ADCK1: variants seen among roughly 807,000 people sequenced by gnomAD.
The protein encoded by ADCK1 is aarF domain containing kinase 1, also known as aarF domain-containing protein kinase 1.
Under a neutral mutation model 52.3 loss-of-function variants are expected in ADCK1, and 41 were observed. The ratio of observed to expected loss-of-function variants is 0.78; its 90% CI spans 0.61 to 1.02. The LOEUF (loss-of-function observed/expected upper bound fraction) is 1.02. ADCK1 is among the 50% of genes least tolerant of loss of function. The pLI is 0.00. For missense variants in ADCK1, 658 were observed against 679.5 expected, an observed-to-expected ratio of 0.97 and a Z score of 0.35; for synonymous variants, 250 against 274.6, an observed-to-expected ratio of 0.91 and a Z score of 0.89.
At position 77,819,051 on chromosome 14, in the gene ADCK1, A is replaced by C. The variant is rs753899637; in HGVS notation, c.73A>C (p.Ser25Arg). 1 of 1,614,200 alleles carries C rather than the reference A, an allele frequency of 6.2e-7. No individual in the cohort carries two copies. The highest frequency in any genetic ancestry group is 1.1e-5 in the South Asian group (1 of 91,076). Reference protein sequence around the residue: ...ALAASGIYFYSNKYLDPNDFG... With the variant: ...ALAASGIYFYRNKYLDPNDFG... ...TGCTGCCTCTGGCATCTACTTCTAC[A>C]GTAACAAGTACTTGGACCCTAATGA... is the stretch of plus-strand genomic sequence containing the variant. The change falls in exon 2 of 11, where the codon AGT becomes CGT. Residue 25 changes from serine to arginine, a missense_variant. Transcript: ENST00000238561.
intron 9 of ADCK1, among the ~76,000 whole-genome samples, chr14:77,931,013 C>G (rs531981514): frequency 6.6e-6 from 1 of 152,292 alleles, no homozygotes; most frequent in Non-Finnish European, 1.5e-5. Flanking sequence ...CCTTGGGCCA[C>G]AGGTGGGATG....
At chr14:77,814,695 CAAA>C (rs995163952) in intron 1 of ADCK1, among the ~76,000 whole-genome samples, 83 of 35,910 alleles carry the variant, frequency 2.3e-3, no homozygotes, top group African/African-American at 7.7e-3. Context: ...AAGACACTCT[CAAA>C]AAAAAAAAAA....
chr14:77,838,092 C>T (rs1795596457), intron 3 of ADCK1, among the ~76,000 whole-genome samples: 1 of 152,224 alleles, frequency 6.6e-6, no homozygotes. Flanking sequence ...CCACTTCTCA[C>T]TGTCTTGGCC....
intron 4 of ADCK1, among the ~76,000 whole-genome samples, chr14:77,882,343 G>GGTTC (rs528528115): frequency 6.6e-6 from 1 of 152,222 alleles, no homozygotes; most frequent in Non-Finnish European, 1.5e-5. Flanking sequence ...TCTGCCCCAG[G>GGTTC]TGCCCTAAGT....
chr14:77,861,552 G>T (rs10141302), intron 4 of ADCK1, among the ~76,000 whole-genome samples: 1 of 151,846 alleles, frequency 6.6e-6, no homozygotes, highest in Admixed American at 6.6e-5. Context: ...CCAGCCCTAA[G>T]ACCTTCTGCA....
At chr14:77,846,447 G>A (rs1235103972) in intron 3 of ADCK1, among the ~76,000 whole-genome samples, 7 of 152,156 alleles carry the variant, frequency 4.6e-5, no homozygotes, top group Admixed American at 4.6e-4. Flanking sequence ...GACTGTCCTG[G>A]AAGCCAGGCC....
chr14:77,887,047 C>T (rs760146820), intron 4 of ADCK1, 44 bp from the exon 5 acceptor site: 1 of 1,503,192 alleles, frequency 6.7e-7, no homozygotes, highest in Non-Finnish European at 8.9e-7. Context: ...TCTCACTGAA[C>T]TGGGTCATCT....
At chr14:77,863,049 G>A (rs1361786066) in intron 4 of ADCK1, among the ~76,000 whole-genome samples, 1 of 152,240 alleles carries the variant, frequency 6.6e-6, no homozygotes, top group East Asian at 1.9e-4. Context: ...GCATGGAGGT[G>A]AACAGTGAGG....
intron 9 of ADCK1, among the ~76,000 whole-genome samples, 195 bp downstream of exon 9, chr14:77,926,156 AG>A (rs776895719): frequency 2.0e-5 from 3 of 152,140 alleles, no homozygotes; most frequent in African/African-American, 7.2e-5. Context: ...AAGGAGGGAA[AG>A]GGGGTGATAC....
rs72692359 is a variant in ADCK1 at position 77,923,540 on chromosome 14, A to G, written c.859-917A>G. ...TGGGCCCCAGCTCCTCTCCCCTCTG[A>G]CCAGGTTAGGTTTGTTAATGACCAT... On this transcript the variant is annotated intron_variant, in intron 7 of 10. Transcript: ENST00000238561. This position sits in a 1 kb window ranked among gnomAD's most constrained non-coding sequence, Gnocchi z 4.3. 0.1 allele frequency: 15,434 copies of G among 152,156 alleles called. 1,120 individuals are homozygous for G. The highest frequency in any genetic ancestry group is 0.41 in the East Asian group (2,106 of 5,128). The allele number at this position is 152,156 out of a possible 1,614,324, so 9.4% of individuals were successfully genotyped here.
intron 3 of ADCK1, among the ~76,000 whole-genome samples, chr14:77,837,527 ATT>A (rs2081986522): frequency 6.6e-6 from 1 of 152,176 alleles, no homozygotes; most frequent in Non-Finnish European, 1.5e-5. Flanking sequence ...ACATGGACAT[ATT>A]GTTTTGGGGG....
chr14:77,850,648 C>CTTTT (rs58373247), intron 3 of ADCK1, among the ~76,000 whole-genome samples: 3 of 107,980 alleles, frequency 2.8e-5, no homozygotes, highest in African/African-American at 7.5e-5. Context: ...CATGATATAT[C>CTTTT]TTTTTTTTTT....
At chr14:77,872,677 C>CTTT (rs35569874) in intron 4 of ADCK1, among the ~76,000 whole-genome samples, 3 of 140,906 alleles carry the variant, frequency 2.1e-5, no homozygotes, top group Admixed American at 7.0e-5. Context: ...TTCCCCACTC[C>CTTT]TTTTTTTTTT....
chr14:77,874,917 T>C (rs1422784542), intron 4 of ADCK1, among the ~76,000 whole-genome samples: 2 of 151,984 alleles, frequency 1.3e-5, no homozygotes, highest in Admixed American at 1.3e-4. Flanking sequence ...AAGGGACAGG[T>C]GGATGGGACA....
intron 4 of ADCK1, among the ~76,000 whole-genome samples, chr14:77,880,600 G>A: frequency 6.6e-6 from 1 of 152,206 alleles, no homozygotes; most frequent in South Asian, 2.1e-4. Context: ...GTGGGACAGA[G>A]GTCCAGACAA....
chr14:77,875,469 G>C (rs1053543274), intron 4 of ADCK1, among the ~76,000 whole-genome samples: 1 of 147,546 alleles, frequency 6.8e-6, no homozygotes, highest in Admixed American at 6.9e-5. Context: ...AACAGCCTAC[G>C]GTCCCTGGTT....
chr14:77,885,873 G>A (rs1418428038), intron 4 of ADCK1, among the ~76,000 whole-genome samples: 1 of 152,206 alleles, frequency 6.6e-6, no homozygotes, highest in Non-Finnish European at 1.5e-5. Flanking sequence ...ACCTTTAGGG[G>A]CCTCTTTCCT....
chr14:77,894,106 C>A (rs2083344270), intron 5 of ADCK1, among the ~76,000 whole-genome samples: 1 of 152,166 alleles, frequency 6.6e-6, no homozygotes, highest in Admixed American at 6.5e-5. Context: ...GCACAGAATC[C>A]AACAGCGATT....
At chr14:77,905,569 G>A (rs1052817033) in intron 6 of ADCK1, among the ~76,000 whole-genome samples, 2 of 151,994 alleles carry the variant, frequency 1.3e-5, no homozygotes, top group Non-Finnish European at 2.9e-5. Flanking sequence ...AGAGCCTTAG[G>A]GGCCCACTGT....
Sources: allele counts gnomAD v4.1 joint callset (sites outside exome capture counted in the v4.1 genomes callset), GRCh38; gene constraint gnomAD v4.1.1; non-coding constraint Gnocchi (gnomAD v3.1); transcripts MANE v1.5; gene names NCBI Gene and HGNC (gene_info 2026-07-23, HGNC 2026-07-21).